PLCG2: variants seen among roughly 807,000 people sequenced by gnomAD.
PLCG2 encodes the protein phospholipase C gamma 2.
PLCG2 carries 69 observed loss-of-function variants against 175.6 expected under a neutral mutation model. The ratio of observed to expected loss-of-function variants is 0.39; its 90% CI spans 0.32 to 0.48. The LOEUF is 0.48. Ranked by LOEUF, PLCG2 falls within the 20% of genes least tolerant of loss-of-function variation. The probability of loss-of-function intolerance (pLI) is 0.91; values close to 1 mark genes in which losing one functional copy is unlikely to be tolerated. For synonymous variants in PLCG2, 827 were observed against 624.0 expected, an observed-to-expected ratio of 1.33 and a Z score of -4.85; for missense variants, 1,798 against 1,650.9, an observed-to-expected ratio of 1.09 and a Z score of -1.54.
intron 16 of PLCG2, among the ~76,000 whole-genome samples, chr16:81,907,978 G>C (rs1005445786): frequency 6.6e-6 from 1 of 152,142 alleles, no homozygotes; most frequent in Non-Finnish European, 1.5e-5. Flanking sequence ...TAACCAGTGA[G>C]GTTCAAGATG....
At chr16:81,894,959 C>G (rs1908812505) in intron 12 of PLCG2, among the ~76,000 whole-genome samples, 1 of 152,202 alleles carries the variant, frequency 6.6e-6, no homozygotes, top group Non-Finnish European at 1.5e-5. Flanking sequence ...AACGACTCAT[C>G]ATGGAAGCAA....
chr16:81,880,810 A>G, intron 7 of PLCG2, 100 bp from the exon 8 acceptor site: 3 of 1,009,134 alleles, frequency 3.0e-6, no homozygotes, highest in East Asian at 2.4e-5. Context: ...ATCTTGTTGC[A>G]TCTGACAAAA....
intron 2 of PLCG2, among the ~76,000 whole-genome samples, chr16:81,834,427 T>A (rs1372131885): frequency 6.6e-6 from 1 of 152,142 alleles, no homozygotes. Flanking sequence ...GCAGCTAGAC[T>A]GGCAGGACTC....
chr16:81,750,482 G>A (rs1909787174), intron 1 of PLCG2, among the ~76,000 whole-genome samples: 1 of 147,904 alleles, frequency 6.8e-6, no homozygotes, highest in African/African-American at 2.5e-5. Flanking sequence ...TTACCCAAAA[G>A]ATTTGAAATC....
rs150276286 is a variant in PLCG2 at position 81,869,274 on chromosome 16, C to T, written c.540C>T (p.Ala180=). The part of the protein sequence containing the change: ...LPLINFKVSS[A]KFLKDKFVEI... ...TGATCAACTTTAAAGTGAGCAGTGCCAAGTTCCTTAAAGATAAGTTTGTGG... is the reference window on the plus strand; with the variant it reads ...TGATCAACTTTAAAGTGAGCAGTGCTAAGTTCCTTAAAGATAAGTTTGTGG... The change falls in exon 6 of 33, where the codon GCC becomes GCT. Residue 180 remains alanine (A), a synonymous_variant. Coordinates refer to ENST00000564138, the MANE Select transcript of PLCG2 (RefSeq NM_002661.5). 25 of 1,613,176 alleles carry T rather than the reference C, an allele frequency of 1.5e-5. No homozygotes were observed. In the African/African-American group the frequency reaches 2.9e-4, roughly 19 times the overall value.
At chr16:81,779,901 G>A (rs79341966) in intron 1 of PLCG2, among the ~76,000 whole-genome samples, 2 of 152,196 alleles carry the variant, frequency 1.3e-5, no homozygotes, top group East Asian at 3.9e-4. Flanking sequence ...AGTCCTTCCC[G>A]GAGACTTTTG....
chr16:81,838,267 A>C (rs1424539964), intron 2 of PLCG2, among the ~76,000 whole-genome samples: 5 of 152,014 alleles, frequency 3.3e-5, no homozygotes, highest in African/African-American at 1.2e-4. Flanking sequence ...TTATATTTTT[A>C]GTAGAGATGG....
At chr16:81,847,429 G>T (rs76870294) in intron 2 of PLCG2, among the ~76,000 whole-genome samples, 1 of 151,954 alleles carries the variant, frequency 6.6e-6, no homozygotes, top group African/African-American at 2.4e-5. Flanking sequence ...CTTCCTGGAC[G>T]TTGGGGGTAG....
intron 1 of PLCG2, among the ~76,000 whole-genome samples, chr16:81,784,382 G>A (rs746490109): frequency 1.8e-4 from 28 of 152,208 alleles, no homozygotes; most frequent in Non-Finnish European, 1.0e-4. Context: ...GCTGCCCCTT[G>A]TGGGCATTTA....
chr16:81,956,174 G>T (rs1911559798), intron 31 of PLCG2, among the ~76,000 whole-genome samples: 1 of 152,108 alleles, frequency 6.6e-6, no homozygotes, highest in Non-Finnish European at 1.5e-5. Flanking sequence ...TTAGAGTTGG[G>T]CTCATTCACT....
At chr16:81,842,186 C>A (rs1278485383) in intron 2 of PLCG2, among the ~76,000 whole-genome samples, 1 of 152,190 alleles carries the variant, frequency 6.6e-6, no homozygotes, top group East Asian at 1.9e-4. Context: ...TCCAGAACTC[C>A]CTACAAAGGG....
intron 24 of PLCG2, among the ~76,000 whole-genome samples, chr16:81,929,533 C>G (rs1160593475): frequency 6.6e-6 from 1 of 152,130 alleles, no homozygotes; most frequent in Non-Finnish European, 1.5e-5. Context: ...GTAGCCGGGA[C>G]TACAGGCATG....
At chr16:81,839,783 G>C (rs944131198) in intron 2 of PLCG2, among the ~76,000 whole-genome samples, 2 of 152,316 alleles carry the variant, frequency 1.3e-5, no homozygotes, top group African/African-American at 4.8e-5. Context: ...GGGCATGGTG[G>C]CTCATGCCTG....
At chr16:81,761,892 T>C (rs2143088565) in intron 2 of PLCG2, among the ~76,000 whole-genome samples, 1 of 149,678 alleles carries the variant, frequency 6.7e-6, no homozygotes. Context: ...AGTGCAGTGG[T>C]GTGATCTCGG....
chr16:81,940,248 A>T (rs1315065810), intron 30 of PLCG2, among the ~76,000 whole-genome samples, 189 bp downstream of exon 30: 2 of 152,130 alleles, frequency 1.3e-5, no homozygotes, highest in Non-Finnish European at 2.9e-5. Flanking sequence ...AGTGGGTGAC[A>T]GGGGAGGCTA....
At chr16:81,766,959 A>G (rs1247851927) in intron 2 of PLCG2, 1 of 151,998 alleles carries the variant, frequency 6.6e-6, no homozygotes, top group African/African-American at 2.4e-5. Context: ...GCTCCCCCTT[A>G]TCCCCAGGAG....
intron 7 of PLCG2, among the ~76,000 whole-genome samples, chr16:81,879,303 C>A (rs1182451599): frequency 1.3e-5 from 2 of 152,152 alleles, no homozygotes; most frequent in Non-Finnish European, 1.5e-5. Flanking sequence ...GTCCAAATAG[C>A]AACATGCCCT....
chr16:81,897,485 T>C (rs2143620468), intron 13 of PLCG2, among the ~76,000 whole-genome samples: 1 of 152,292 alleles, frequency 6.6e-6, no homozygotes, highest in South Asian at 2.1e-4. Context: ...GCACCTGGCA[T>C]AGAGTAACTG....
chr16:81,827,327 G>C (rs1409492019), intron 2 of PLCG2, among the ~76,000 whole-genome samples: 1 of 151,990 alleles, frequency 6.6e-6, no homozygotes, highest in Non-Finnish European at 1.5e-5. Context: ...GGGACCACAG[G>C]TGTATGCTCC....
Sources: allele counts gnomAD v4.1 joint callset (sites outside exome capture counted in the v4.1 genomes callset), GRCh38; gene constraint gnomAD v4.1.1; transcripts MANE v1.5; gene names NCBI Gene and HGNC (gene_info 2026-07-23, HGNC 2026-07-21).